Variants in ANO3 observed in about 807,000 individuals in gnomAD.
The protein encoded by ANO3 is anoctamin-3.
ANO3 carries 99 observed loss-of-function variants against 144.8 expected under a neutral mutation model. The observed-to-expected ratio is 0.68, with a 90% CI of 0.58 to 0.81. The LOEUF is 0.81. ANO3 is among the 30% of genes least tolerant of loss of function. The probability of loss-of-function intolerance (pLI) is 0.00; values close to 1 mark genes in which losing one functional copy is unlikely to be tolerated. For missense variants in ANO3, 905 were observed against 1,202.2 expected, an observed-to-expected ratio of 0.75 and a Z score of 3.66; for synonymous variants, 414 against 392.6, an observed-to-expected ratio of 1.05 and a Z score of -0.64.
chr11:26,207,119 T>C (rs974374014), intron 1 of ANO3, among the ~76,000 whole-genome samples: 3 of 152,172 alleles, frequency 2.0e-5, no homozygotes, highest in African/African-American at 7.2e-5. Flanking sequence ...CCTAAAGATC[T>C]ACTGTACAGC....
Position 26,647,793 on chromosome 11 carries a change from T to C in ANO3, c.2513T>C (p.Ile838Thr). 1 of 1,613,534 alleles carries C rather than the reference T, an allele frequency of 6.2e-7. No homozygotes were observed. ...AFVIAITSDY[I>T]PRFVYEYKYG... ...GTAATTGCTATTACTTCTGATTACA[T>C]CCCACGTTTTGTTTATGAATACAAA... The change falls in exon 24 of 27, where the codon ATC becomes ACC. Residue 838 changes from isoleucine (I) to threonine (T), a missense_variant. By Grantham distance (89) the Ile-to-Thr change is moderately conservative. Coordinates refer to ENST00000256737, the MANE Select transcript of ANO3 (RefSeq NM_031418.4).
chr11:26,192,106 A>G (rs1008291968), intron 1 of ANO3, among the ~76,000 whole-genome samples: 1 of 152,206 alleles, frequency 6.6e-6, no homozygotes, highest in Non-Finnish European at 1.5e-5. Context: ...TTAGATTTTC[A>G]AAGATATTGT....
At chr11:26,446,974 C>T (rs1384889119) in intron 3 of ANO3, among the ~76,000 whole-genome samples, 2 of 152,090 alleles carry the variant, frequency 1.3e-5, no homozygotes, top group East Asian at 3.9e-4. Flanking sequence ...CTTTGGGAGG[C>T]TGAGGCAGGA....
chr11:26,215,202 T>C (rs1852013061), intron 1 of ANO3, among the ~76,000 whole-genome samples: 1 of 152,024 alleles, frequency 6.6e-6, no homozygotes, highest in Non-Finnish European at 1.5e-5. Context: ...ATTTAAGGAA[T>C]AGAGAGTTAT....
At chr11:26,234,772 G>A (rs1452173626) in intron 1 of ANO3, among the ~76,000 whole-genome samples, 1 of 152,074 alleles carries the variant, frequency 6.6e-6, no homozygotes, top group Non-Finnish European at 1.5e-5. Context: ...GAGAATCAGA[G>A]CCAATAGGAT....
intron 4 of ANO3, among the ~76,000 whole-genome samples, chr11:26,498,080 C>G (rs1435149492): frequency 1.3e-5 from 2 of 151,980 alleles, no homozygotes; most frequent in African/African-American, 4.8e-5. Flanking sequence ...GAGGTGATCA[C>G]TCTTTCCTGA....
chr11:26,319,438 G>T (rs1854706969), intron 1 of ANO3, among the ~76,000 whole-genome samples: 1 of 152,050 alleles, frequency 6.6e-6, no homozygotes, highest in African/African-American at 2.4e-5. Flanking sequence ...TTCATGGTAG[G>T]ATAAACCATC....
chr11:26,193,136 C>CTTTT (rs34069836), intron 1 of ANO3, among the ~76,000 whole-genome samples: 157 of 82,572 alleles, frequency 1.9e-3, no homozygotes, highest in Middle Eastern at 8.9e-3. Flanking sequence ...TTTTGCCTAT[C>CTTTT]TTTTTTTTTT....
At chr11:26,482,468 GTGTGTA>G (rs1860261836) in intron 4 of ANO3, among the ~76,000 whole-genome samples, 1 of 126,516 alleles carries the variant, frequency 7.9e-6, no homozygotes, top group Non-Finnish European at 1.7e-5. Flanking sequence ...GTGTGTGTGT[GTGTGTA>G]TCTTTAAAAA....
chr11:26,263,385 G>A (rs372938337), intron 1 of ANO3, among the ~76,000 whole-genome samples: 1 of 152,102 alleles, frequency 6.6e-6, no homozygotes, highest in South Asian at 2.1e-4. Flanking sequence ...GTTCAGGTCC[G>A]TACCTGACAA....
chr11:26,243,714 A>G (rs1852715404), intron 1 of ANO3, among the ~76,000 whole-genome samples: 1 of 152,182 alleles, frequency 6.6e-6, no homozygotes, highest in Non-Finnish European at 1.5e-5. Context: ...TTATGGAGGA[A>G]TAGATTTGCT....
At position 26,298,549 on chromosome 11, in the gene ANO3, A is replaced by T. The variant is rs543007209; in HGVS notation, c.155-11096A>T. Among the ~76,000 whole-genome samples, 5 of 152,316 alleles carry T rather than the reference A, an allele frequency of 3.3e-5. No individual in the cohort carries two copies. The East Asian group carries it at 9.6e-4, about 29-fold the overall frequency. On this transcript the variant is annotated intron_variant, in intron 1 of 27. Coordinates refer to the ANO3 transcript ENST00000672621. ...TCGTTTTCAAATAATTATTCTGAGT[A>T]ATTAACCTTTTACTCTGAGTAAAGT...
intron 18 of ANO3, among the ~76,000 whole-genome samples, chr11:26,627,814 A>AGTGT (rs72002807): frequency 0.069 from 9,091 of 131,056 alleles, 613 homozygotes; most frequent in African/African-American, 0.18. Context: ...AATAGAATCT[A>AGTGT]GTGTGTGTGT....
At chr11:26,405,998 CT>C (rs1279959768) in intron 1 of ANO3, among the ~76,000 whole-genome samples, 1 of 151,862 alleles carries the variant, frequency 6.6e-6, no homozygotes, top group Non-Finnish European at 1.5e-5. Context: ...GGCACAATCA[CT>C]GAAGTGGATC....
At position 26,215,323 on chromosome 11, in the gene ANO3, A is replaced by G. The variant is rs150945619; in HGVS notation, c.154+25993A>G. On this transcript the variant is annotated intron_variant, in intron 1 of 27. Transcript: ENST00000672621. ...TTCTATTGTTATGGCCACAAAGTAT[A>G]CTTATTTTATACTTTGGGTTTTAAT... 6.6e-5 allele frequency among the ~76,000 whole-genome samples: 10 copies of G among 152,078 alleles called. No individual in the cohort carries two copies. In the East Asian group the frequency reaches 1.9e-3, roughly 29 times the overall value.
At chr11:26,215,243 G>T (rs765419457) in intron 1 of ANO3, among the ~76,000 whole-genome samples, 7 of 151,940 alleles carry the variant, frequency 4.6e-5, no homozygotes, top group Non-Finnish European at 1.0e-4. Context: ...GTAGTAGCAA[G>T]AGAAAATTTT....
At chr11:26,578,167 A>G (rs1450849135) in intron 14 of ANO3, among the ~76,000 whole-genome samples, 1 of 152,192 alleles carries the variant, frequency 6.6e-6, no homozygotes, top group Non-Finnish European at 1.5e-5. Flanking sequence ...TATGTTGATA[A>G]GAGTTATATT....
intron 21 of ANO3, among the ~76,000 whole-genome samples, chr11:26,639,993 G>T (rs11029656): frequency 0.38 from 57,441 of 151,964 alleles, 11,724 homozygotes; most frequent in South Asian, 0.49. Context: ...AGTAGCTTGG[G>T]GTTATATATC....
intron 1 of ANO3, among the ~76,000 whole-genome samples, chr11:26,249,593 A>G (rs189684143): frequency 2.0e-5 from 3 of 152,236 alleles, no homozygotes; most frequent in Admixed American, 2.0e-4. Flanking sequence ...ATAAATGAAA[A>G]GGAAATATAA....
Sources: gnomAD v4.1 joint callset for allele counts (sites outside exome capture counted in the v4.1 genomes callset) on GRCh38, gnomAD v4.1.1 for gene constraint, MANE v1.5 for transcripts, NCBI Gene and HGNC (gene_info 2026-07-23, HGNC 2026-07-21) for gene names.